Variants in UBXN8 observed in about 807,000 individuals in gnomAD.
The protein encoded by UBXN8 is UBX domain protein 8.
UBXN8 carries 27 observed loss-of-function variants against 32.1 expected under a neutral mutation model. The ratio of observed to expected loss-of-function variants is 0.84; its 90% confidence interval spans 0.62 to 1.16. The LOEUF (loss-of-function observed/expected upper bound fraction) is 1.16, where lower values mean the gene tolerates loss of function less well. Among genes scored for constraint, UBXN8 ranks in the 50% most tolerant of loss-of-function variants. The pLI is 0.00. For missense variants in UBXN8, 306 were observed against 311.4 expected (o/e 0.98, Z 0.13); for synonymous variants, 109 against 111.8 (o/e 0.98, Z 0.16).
upstream of UBXN8, chr8:30,744,029 C>G (rs1805282053): frequency 1.5e-6 from 1 of 657,066 alleles, no homozygotes; most frequent in Non-Finnish European, 2.6e-6. Flanking sequence ...AACTTTAAAA[C>G]ACGGGGCTTA....
intron 1 of UBXN8, among the ~76,000 whole-genome samples, chr8:30,748,590 G>C (rs1032068290): frequency 1.3e-5 from 2 of 151,678 alleles, no homozygotes; most frequent in Non-Finnish European, 1.5e-5. Flanking sequence ...GCCCAGGCTA[G>C]AGTGCAATGG....
Position 30,751,420 on chromosome 8 carries a change from G to C in UBXN8, c.113G>C (p.Cys38Ser). The change falls in exon 2 of 8, where the codon TGT (cysteine) becomes TCT (serine). Residue 38 changes from cysteine to serine, a missense_variant. Cys to Ser is a moderately radical substitution (Grantham distance 112). Coordinates refer to ENST00000265616, the MANE Select transcript of UBXN8 (RefSeq NM_005671.4). ...GGAATCAAGGATTTTCTTTTGCTTT[G>C]TGGCCGGATTTTGCTACTGCTTGCT... ...DIGIKDFLLLCGRILLLLALL... is the reference protein window; with the variant it reads ...DIGIKDFLLLSGRILLLLALL... 1 of 1,595,014 alleles carries C rather than the reference G, an allele frequency of 6.3e-7. No individual in the cohort carries two copies. Among genetic ancestry groups the C allele is most frequent in the Non-Finnish European group, 8.5e-7 (1 of 1,169,868 alleles).
At chr8:30,731,992 C>T (rs1397984443), upstream of UBXN8, among the ~76,000 whole-genome samples, 15 of 152,138 alleles carry the variant, frequency 9.9e-5, no homozygotes, top group Non-Finnish European at 1.5e-5. Flanking sequence ...GGGGTTGCTG[C>T]CAGCTGAGGA....
chr8:30,756,802 C>G lies in UBXN8; in HGVS notation c.443C>G (p.Ser148Ter). The change falls in exon 5 of 8, where the codon TCA becomes TGA. Residue 148 changes from serine to a stop codon, truncating the protein, a stop_gained. Transcript: ENST00000265616. LOFTEE classifies it high-confidence loss of function. ...ACAAGTCAGACATCTTTTGAAACAT[C>G]AAACAGAGAAGCAGCAAAGAGCCAG... ...EGTSQTSFET[S>*]NREAAKSQNL... 1 of 1,614,002 alleles carries G rather than the reference C, an allele frequency of 6.2e-7. No homozygotes were observed. Among genetic ancestry groups the G allele is most frequent in the Non-Finnish European group, 8.5e-7 (1 of 1,179,890 alleles).
At chr8:30,754,389 C>G in intron 3 of UBXN8, 1 of 531,672 alleles carries the variant, frequency 1.9e-6, no homozygotes, top group South Asian at 1.6e-5. Context: ...AAAGTAGATC[C>G]TCCCATTCTC....
upstream of UBXN8, among the ~76,000 whole-genome samples, chr8:30,743,071 G>A (rs1238362578): frequency 1.3e-5 from 2 of 151,910 alleles, no homozygotes; most frequent in African/African-American, 4.8e-5. Context: ...GATGGGTCAG[G>A]AAAAAGAATT....
intron 6 of UBXN8, 124 bp downstream of exon 6, chr8:30,761,053 T>G: frequency 1.5e-6 from 1 of 660,938 alleles, no homozygotes; most frequent in South Asian, 2.1e-5. Flanking sequence ...TTCATGTGAT[T>G]ATACTGTAAC....
upstream of UBXN8, among the ~76,000 whole-genome samples, chr8:30,743,775 G>C (rs967302587): frequency 1.3e-5 from 2 of 152,198 alleles, no homozygotes; most frequent in African/African-American, 4.8e-5. Flanking sequence ...AGGTGTTATA[G>C]CCCACATTCA....
chr8:30,729,401 C>G (rs1257225476), upstream of UBXN8, among the ~76,000 whole-genome samples: 1 of 152,224 alleles, frequency 6.6e-6, no homozygotes, highest in Non-Finnish European at 1.5e-5. Flanking sequence ...ATGGCCTGAT[C>G]ACCCACGGCG....
chr8:30,759,043 G>A (rs538483101), intron 5 of UBXN8, among the ~76,000 whole-genome samples: 4 of 151,236 alleles, frequency 2.6e-5, no homozygotes, highest in Admixed American at 1.3e-4. Context: ...ACAGGTGCCC[G>A]CCACCACGCC....
intron 1 of UBXN8, among the ~76,000 whole-genome samples, chr8:30,733,579 G>A (rs563707394): frequency 6.6e-5 from 10 of 152,210 alleles, no homozygotes; most frequent in East Asian, 5.8e-4. Flanking sequence ...GCCCCCTTCC[G>A]GGCATCAGTG....
Position 30,754,760 on chromosome 8 carries a change from G to C in UBXN8, c.378G>C (p.Trp126Cys), listed in dbSNP as rs1205802068. 1 of 1,558,038 alleles carries C rather than the reference G, an allele frequency of 6.4e-7. No homozygotes were observed. Among genetic ancestry groups the C allele is most frequent in the Non-Finnish European group, 8.6e-7 (1 of 1,162,806 alleles). ...TTTATCAAATGACGGGTGAAGCCTG[G>C]AAATTAAGCAGTGGTCACAAACTTG... ...ERFYQMTGEA[W>C]KLSSGHKLGG... The change falls in exon 4 of 8, where the codon TGG becomes TGC. Residue 126 changes from tryptophan (W) to cysteine (C), a missense_variant. Trp to Cys is a radical substitution (Grantham distance 215, BLOSUM62 -2). Transcript: ENST00000265616.
At position 30,759,682 on chromosome 8, in the gene UBXN8, T is replaced by A. The variant is rs546455014; in HGVS notation, c.529-1206T>A. On this transcript the variant is annotated intron_variant, in intron 5 of 7. Transcript: ENST00000265616. ...TGTTAAAATGTGTATATGGGCCGGG[T>A]GTGGTGGCTCACGCCTGTAATCCCA... is the stretch of plus-strand genomic sequence containing the variant. 2.7e-5 allele frequency among the ~76,000 whole-genome samples: 4 copies of A among 150,344 alleles called. No individual in the cohort carries two copies. The South Asian group carries it at 8.6e-4, about 32-fold the overall frequency.
In UBXN8 at chr8:30,763,361, TTC is replaced by T. The variant is rs765613668; in HGVS notation, c.645+15_645+16del. Reference sequence around the variant, plus strand: ...TACAGCTCACAGGTAAGTGAAGGAATTCACATTTTGAGAAATATCTTTGTTGA... The same window carrying T: ...TACAGCTCACAGGTAAGTGAAGGAATACATTTTGAGAAATATCTTTGTTGA... On this transcript the variant is annotated intron_variant, in intron 7 of 7. Transcript: ENST00000265616. 2 of 1,612,394 alleles carry T rather than the reference TTC, an allele frequency of 1.2e-6. No individual in the cohort carries two copies. The highest frequency in any genetic ancestry group is 1.7e-6 in the Non-Finnish European group (2 of 1,178,430).
intron 4 of UBXN8, 79 bp from the exon 5 acceptor site, chr8:30,756,686 G>C: frequency 6.3e-7 from 1 of 1,576,058 alleles, no homozygotes; most frequent in Admixed American, 1.8e-5. Flanking sequence ...GTAAAAAAAG[G>C]AAAAAGGAAA....
intron 5 of UBXN8, among the ~76,000 whole-genome samples, chr8:30,759,798 A>C (rs1194824315): frequency 6.6e-6 from 1 of 150,852 alleles, no homozygotes; most frequent in East Asian, 2.0e-4. Flanking sequence ...CTACTAAAAA[A>C]TACAAAAAAT....
At chr8:30,744,316 TA>T (rs1294826575) in intron 1 of UBXN8, 39 bp downstream of exon 1, 1 of 1,586,938 alleles carries the variant, frequency 6.3e-7, no homozygotes, top group Non-Finnish European at 8.6e-7. Context: ...CACAGCTGGG[TA>T]ATTTTCACAG....
chr8:30,756,056 ACT>A (rs1805650643), intron 4 of UBXN8: 1 of 148,952 alleles, frequency 6.7e-6, no homozygotes, highest in African/African-American at 2.5e-5. Flanking sequence ...GCTGAGTCTC[ACT>A]CTGTCGCCCA....
chr8:30,744,159 C>T (rs749592546), upstream of UBXN8: 62 of 1,602,830 alleles, frequency 3.9e-5, no homozygotes, highest in Non-Finnish European at 5.1e-5. Context: ...AAGGGGCGGG[C>T]TTTCCGCCTG....
Sources: gnomAD v4.1 joint callset for allele counts (sites outside exome capture counted in the v4.1 genomes callset) on GRCh38, gnomAD v4.1.1 for gene constraint, MANE v1.5 for transcripts, NCBI Gene and HGNC (gene_info 2026-07-23, HGNC 2026-07-21) for gene names.